Variants in ARID4B observed in about 807,000 individuals in gnomAD.
ARID4B encodes the protein AT-rich interaction domain 4B, also known as AT-rich interactive domain-containing protein 4B.
In ARID4B, 26 loss-of-function variants were observed where a neutral mutation model predicts 147.5. The observed-to-expected ratio is 0.18, with a 90% CI of 0.13 to 0.24. The LOEUF is 0.24. ARID4B is among the 10% of genes least tolerant of loss of function. The pLI, the probability that ARID4B is intolerant of heterozygous loss-of-function variation, is 1.00. For missense variants in ARID4B, 1,179 were observed against 1,511.5 expected (o/e 0.78, Z 3.65); for synonymous variants, 512 against 507.9 (o/e 1.01, Z -0.11).
At chr1:235,306,190 T>TA (rs1033308256) in intron 2 of ARID4B, among the ~76,000 whole-genome samples, 2 of 152,118 alleles carry the variant, frequency 1.3e-5, no homozygotes, top group African/African-American at 4.8e-5. Flanking sequence ...ACTTTAGCAA[T>TA]AAAGACAAAT....
At chr1:235,228,768 A>C (rs4659673) in intron 11 of ARID4B, 71,544 of 152,390 alleles carry the variant, frequency 0.47, 17,062 homozygotes, top group South Asian at 0.6. Flanking sequence ...GCCTCAGCCT[A>C]CCGAGTAGCT....
chr1:235,308,185 C>T (rs1673716104), intron 2 of ARID4B, among the ~76,000 whole-genome samples: 2 of 150,440 alleles, frequency 1.3e-5, no homozygotes, highest in South Asian at 4.2e-4. Flanking sequence ...CTGCAACCTC[C>T]GCCTCCCAGG....
intron 9 of ARID4B, among the ~76,000 whole-genome samples, chr1:235,231,399 C>T (rs2103050194): frequency 6.6e-6 from 1 of 152,278 alleles, no homozygotes; most frequent in East Asian, 1.9e-4. Context: ...CAGAAGGATC[C>T]TACCATAAGA....
intron 3 of ARID4B, among the ~76,000 whole-genome samples, chr1:235,258,809 T>C (rs1670134102): frequency 6.6e-6 from 1 of 152,214 alleles, no homozygotes; most frequent in African/African-American, 2.4e-5. Flanking sequence ...ATCTGTGCCC[T>C]TCACTTAAAC....
Position 235,261,705 on chromosome 1 carries a change from A to G in ARID4B, c.7-953T>C, listed in dbSNP as rs558114573. Among the ~76,000 whole-genome samples, 14 of 152,304 alleles carry G rather than the reference A, an allele frequency of 9.2e-5. No homozygotes were observed. The South Asian group carries it at 2.7e-3, about 29-fold the overall frequency. On this transcript the variant is annotated intron_variant, in intron 2 of 23. Coordinates refer to ENST00000264183, the MANE Select transcript of ARID4B (RefSeq NM_016374.6). ...GATATTTACTCTTCTACCTTAACTA[A>G]TATTTATGTTTCCTCAGTTGTGATT...
intron 2 of ARID4B, among the ~76,000 whole-genome samples, chr1:235,271,677 G>A (rs1204816664): frequency 6.6e-6 from 1 of 150,474 alleles, no homozygotes; most frequent in South Asian, 2.1e-4. Context: ...AGCCAGGCAC[G>A]GTGGCTCACA....
intron 2 of ARID4B, among the ~76,000 whole-genome samples, chr1:235,312,872 C>G (rs1306221084): frequency 6.6e-6 from 1 of 152,122 alleles, no homozygotes; most frequent in Admixed American, 6.6e-5. Flanking sequence ...ACTCAGGAGG[C>G]TGAGGCACAA....
chr1:235,268,950 T>C (rs1315542873), intron 2 of ARID4B, among the ~76,000 whole-genome samples: 1 of 152,294 alleles, frequency 6.6e-6, no homozygotes, highest in East Asian at 1.9e-4. Context: ...AGGAAGCATC[T>C]TGAAGGGGTT....
intron 17 of ARID4B, among the ~76,000 whole-genome samples, chr1:235,199,730 C>T (rs867399212): frequency 3.3e-5 from 5 of 152,104 alleles, no homozygotes; most frequent in Admixed American, 6.5e-5. Context: ...GAAGCTTTTT[C>T]GAATTACAAA....
chr1:235,278,620 A>C (rs562587040), intron 2 of ARID4B, among the ~76,000 whole-genome samples: 88 of 152,348 alleles, frequency 5.8e-4, no homozygotes, highest in Non-Finnish European at 1.1e-3. Context: ...TAATTTACTT[A>C]TCTTAAAAAC....
chr1:235,223,396 T>TATATATACACACGTATATATAC (rs1667622694), intron 12 of ARID4B, 136 bp from the exon 13 acceptor site: 1 of 192,966 alleles, frequency 5.2e-6, no homozygotes. Context: ...CGTATATATA[T>TATATATACACACGTATATATAC]GTGTGTGTAT....
chr1:235,257,306 G>T, intron 3 of ARID4B, 81 bp from the exon 4 acceptor site: 1 of 930,618 alleles, frequency 1.1e-6, no homozygotes. Flanking sequence ...TTCATTTGTA[G>T]TAAAAGAAAT....
chr1:235,219,734 A>T (rs1399320847), intron 16 of ARID4B, 59 bp downstream of exon 16: 1 of 1,346,934 alleles, frequency 7.4e-7, no homozygotes, highest in Non-Finnish European at 1.0e-6. Flanking sequence ...ACATACAAAG[A>T]GCAAATGATA....
chr1:235,181,957 G>A lies in ARID4B; in HGVS notation c.2962C>T (p.Pro988Ser). Residue 988 changes from proline to serine, a missense_variant, in exon 20 of 24, where the codon CCT (proline) becomes TCT (serine). By Grantham distance (74) the Pro-to-Ser change is moderately conservative (BLOSUM62 -1). Around this residue, in one of 10 missense-constraint regions of ARID4B, gnomAD observed 357 missense variants for 427.3 expected, o/e 0.84. Transcript: ENST00000264183. ...CSPSVELEKP[P>S]PVNVDSKPIE... ...GGTTTACTATCGACATTGACTGGAG[G>A]TGGTTTTTCTAGTTCTACACTGGGT... 6.2e-7 allele frequency: 1 copy of A among 1,614,136 alleles called. No homozygotes were observed. Among genetic ancestry groups the A allele is most frequent in the Non-Finnish European group, 8.5e-7 (1 of 1,180,028 alleles).
At chr1:235,308,520 G>A (rs1393471849) in intron 2 of ARID4B, among the ~76,000 whole-genome samples, 3 of 141,288 alleles carry the variant, frequency 2.1e-5, no homozygotes, top group African/African-American at 8.0e-5. Flanking sequence ...TCCCTCTGAT[G>A]CCGAGCCGAA....
intron 2 of ARID4B, among the ~76,000 whole-genome samples, chr1:235,266,116 C>T (rs1040940904): frequency 6.6e-6 from 1 of 152,070 alleles, no homozygotes; most frequent in Non-Finnish European, 1.5e-5. Context: ...TGAATTCCAG[C>T]GGCAAGAGAA....
intron 5 of ARID4B, 111 bp downstream of exon 5, chr1:235,255,546 CAGT>C (rs1669931277): frequency 1.5e-5 from 9 of 606,062 alleles, no homozygotes; most frequent in Non-Finnish European, 2.2e-5. Context: ...AATCCAGTAA[CAGT>C]AATAATATCT....
chr1:235,230,690 G>C (rs1468068755), intron 10 of ARID4B, among the ~76,000 whole-genome samples: 1 of 151,590 alleles, frequency 6.6e-6, no homozygotes, highest in African/African-American at 2.4e-5. Flanking sequence ...GGGAGGCTGA[G>C]GCAGGTGGAC....
chr1:235,224,443 T>A (rs1667695044), intron 12 of ARID4B, among the ~76,000 whole-genome samples: 1 of 152,170 alleles, frequency 6.6e-6, no homozygotes, highest in African/African-American at 2.4e-5. Context: ...GACCCATGGA[T>A]AGGTAAAGGG....
Sources: gnomAD v4.1 joint callset for allele counts (sites outside exome capture counted in the v4.1 genomes callset) on GRCh38, gnomAD v4.1.1 for gene constraint, gnomAD v4.1.1 regional missense constraint, MANE v1.5 for transcripts, NCBI Gene and HGNC (gene_info 2026-07-23, HGNC 2026-07-21) for gene names.